ROBO1: variants seen among roughly 807,000 people sequenced by gnomAD.
The protein encoded by ROBO1 is roundabout homolog 1.
In ROBO1, 149 loss-of-function variants were observed where a neutral mutation model predicts 195.9. The observed-to-expected ratio is 0.76, with a 90% CI of 0.67 to 0.87. ROBO1 has a LOEUF of 0.87. Among genes scored for constraint, ROBO1 ranks in the 40% least tolerant of loss-of-function variants. The pLI is 0.00. For synonymous variants in ROBO1, 816 were observed against 733.2 expected, an observed-to-expected ratio of 1.11 and a Z score of -1.82; for missense variants, 1,933 against 2,068.3, an observed-to-expected ratio of 0.93 and a Z score of 1.27.
At chr3:79,752,262 T>C (rs1704159927) in intron 1 of ROBO1, among the ~76,000 whole-genome samples, 1 of 152,134 alleles carries the variant, frequency 6.6e-6, no homozygotes, top group African/African-American at 2.4e-5. Flanking sequence ...AGAAAAAATG[T>C]GAAATGACAG....
intron 3 of ROBO1, among the ~76,000 whole-genome samples, chr3:79,113,387 T>TG: frequency 7.0e-6 from 1 of 143,726 alleles, no homozygotes; most frequent in East Asian, 2.0e-4. Flanking sequence ...TTGAGTGAGG[T>TG]TTTTTTTTTT....
chr3:79,116,488 TTC>T (rs1489580295), intron 3 of ROBO1, among the ~76,000 whole-genome samples: 1 of 149,658 alleles, frequency 6.7e-6, no homozygotes, highest in South Asian at 2.1e-4. Context: ...CTTTCTCTCC[TTC>T]TCTCTCTCTT....
intron 3 of ROBO1, among the ~76,000 whole-genome samples, chr3:79,081,330 A>C (rs1055262898): frequency 9.9e-5 from 15 of 152,140 alleles, no homozygotes; most frequent in African/African-American, 3.6e-4. Context: ...ACTTTAAAAA[A>C]AATTCCCACA....
At chr3:79,222,454 A>T (rs1180147521) in intron 2 of ROBO1, among the ~76,000 whole-genome samples, 1 of 152,030 alleles carries the variant, frequency 6.6e-6, no homozygotes, top group Non-Finnish European at 1.5e-5. Flanking sequence ...CTTGTGGGCA[A>T]GCCATACTTG....
At chr3:79,727,055 C>T (rs1702955379) in intron 1 of ROBO1, among the ~76,000 whole-genome samples, 1 of 152,164 alleles carries the variant, frequency 6.6e-6, no homozygotes, top group Non-Finnish European at 1.5e-5. Flanking sequence ...TCATGGGTAA[C>T]ATCCGTGTCT....
rs545008726 is a variant in ROBO1 at position 79,618,704 on chromosome 3, T to C, written c.-50-28743A>G. Among the ~76,000 whole-genome samples the C allele has an allele frequency of 9.8e-5, 15 of 152,322 alleles. No homozygotes were observed. In the South Asian group the frequency reaches 2.9e-3, roughly 29 times the overall value. ...CTCACAGAAAGCCTGTTTCATGGTCTCTTCACATGGACGCACATGACATTT... is the reference window on the plus strand; with the variant it reads ...CTCACAGAAAGCCTGTTTCATGGTCCCTTCACATGGACGCACATGACATTT... On this transcript the variant is annotated intron_variant, in intron 1 of 30. Transcript: ENST00000464233.
intron 2 of ROBO1, among the ~76,000 whole-genome samples, chr3:79,342,503 C>T (rs2034947415): frequency 6.6e-6 from 1 of 152,094 alleles, no homozygotes; most frequent in Non-Finnish European, 1.5e-5. Flanking sequence ...CATTTCTGTA[C>T]TACATATCAA....
chr3:79,608,739 T>C (rs922040539), intron 1 of ROBO1, among the ~76,000 whole-genome samples: 19 of 152,088 alleles, frequency 1.2e-4, no homozygotes, highest in Admixed American at 1.2e-3. Context: ...ATTTCTGTTA[T>C]GATTCCAAAC....
At chr3:78,688,209 T>G (rs2081092985) in intron 9 of ROBO1, among the ~76,000 whole-genome samples, 1 of 152,170 alleles carries the variant, frequency 6.6e-6, no homozygotes, top group Non-Finnish European at 1.5e-5. Context: ...TAAAGAGAAT[T>G]TCATATAGCT....
intron 4 of ROBO1, among the ~76,000 whole-genome samples, chr3:78,853,396 CATAT>C (rs1176559253): frequency 6.7e-6 from 1 of 150,338 alleles, no homozygotes; most frequent in Non-Finnish European, 1.5e-5. Flanking sequence ...AGGATATGTG[CATAT>C]ATATACAGTA....
chr3:79,513,604 C>T (rs559592938), intron 2 of ROBO1, among the ~76,000 whole-genome samples: 5 of 152,030 alleles, frequency 3.3e-5, no homozygotes, highest in South Asian at 2.1e-4. Flanking sequence ...TTTTATAGAG[C>T]GATTAAGTCA....
intron 2 of ROBO1, among the ~76,000 whole-genome samples, chr3:79,304,471 C>T (rs2033130204): frequency 6.6e-6 from 1 of 152,136 alleles, no homozygotes; most frequent in South Asian, 2.1e-4. Flanking sequence ...ATGAATACAT[C>T]CATCATCTGC....
rs544464364 is a variant in ROBO1 at position 79,623,215 on chromosome 3, C to T, written c.-50-33254G>A. Among the ~76,000 whole-genome samples the T allele has an allele frequency of 1.1e-3, 175 of 152,264 alleles. 1 individual carries two copies. The highest frequency in any genetic ancestry group is 4.1e-3 in the African/African-American group (170 of 41,550). Reference sequence around the variant, plus strand: ...GTGTCAGCAGCCTCAAAGATCAAAACTAGACAAACTCACAAGGATGAGAAA... The same window carrying T: ...GTGTCAGCAGCCTCAAAGATCAAAATTAGACAAACTCACAAGGATGAGAAA... On this transcript the variant is annotated intron_variant, in intron 1 of 30. Coordinates refer to ENST00000464233, the MANE Select transcript of ROBO1 (RefSeq NM_002941.4).
intron 3 of ROBO1, among the ~76,000 whole-genome samples, chr3:79,061,927 GA>G (rs2078925693): frequency 1.3e-5 from 2 of 152,074 alleles, no homozygotes; most frequent in Admixed American, 1.3e-4. Flanking sequence ...TACCATTCAG[GA>G]CATAGGCATG....
intron 2 of ROBO1, among the ~76,000 whole-genome samples, chr3:79,526,890 A>G (rs1941455120): frequency 6.6e-6 from 1 of 152,188 alleles, no homozygotes; most frequent in African/African-American, 2.4e-5. Flanking sequence ...ATTTTTCCCT[A>G]TTCTGTATTC....
intron 3 of ROBO1, among the ~76,000 whole-genome samples, chr3:79,087,762 G>C (rs1366862138): frequency 1.3e-5 from 2 of 151,976 alleles, no homozygotes; most frequent in African/African-American, 4.8e-5. Flanking sequence ...TAGAAAAAAA[G>C]TCTTTTGTTG....
intron 3 of ROBO1, among the ~76,000 whole-genome samples, chr3:79,119,414 T>C (rs966844383): frequency 6.6e-6 from 1 of 152,198 alleles, no homozygotes; most frequent in Non-Finnish European, 1.5e-5. Context: ...TTTTGGAGTA[T>C]GAGACATGAA....
At chr3:79,063,066 C>T (rs976018907) in intron 3 of ROBO1, among the ~76,000 whole-genome samples, 4 of 151,880 alleles carry the variant, frequency 2.6e-5, no homozygotes, top group Non-Finnish European at 5.9e-5. Flanking sequence ...ACATTTTAGT[C>T]TTTGTGGACC....
chr3:78,739,445 C>T (rs551079174), intron 5 of ROBO1, among the ~76,000 whole-genome samples: 1 of 152,224 alleles, frequency 6.6e-6, no homozygotes, highest in South Asian at 2.1e-4. Context: ...GGCTAACTCA[C>T]AATTTGGACT....
Sources: gnomAD v4.1 joint callset for allele counts (sites outside exome capture counted in the v4.1 genomes callset) on GRCh38, gnomAD v4.1.1 for gene constraint, MANE v1.5 for transcripts, NCBI Gene and HGNC (gene_info 2026-07-23, HGNC 2026-07-21) for gene names.